BNIP2: variants seen among roughly 807,000 people sequenced by gnomAD.
BNIP2 encodes the protein BCL2 interacting protein 2.
In BNIP2, 36 loss-of-function variants were observed where a neutral mutation model predicts 43.4. The ratio of observed to expected loss-of-function variants is 0.83; its 90% CI spans 0.64 to 1.10. The LOEUF (loss-of-function observed/expected upper bound fraction) is 1.10, where lower values mean the gene tolerates loss of function less well. Among genes scored for constraint, BNIP2 ranks in the 50% least tolerant of loss-of-function variants. The pLI is 0.00. For missense variants in BNIP2, 417 were observed against 374.1 expected (o/e 1.11, Z -0.95); for synonymous variants, 146 against 121.0 (o/e 1.21, Z -1.35).
chr15:59,680,238 T>C lies in BNIP2; in HGVS notation c.118+3A>G, dbSNP rs772783762. The C allele has an allele frequency of 3.2e-6, 5 of 1,584,222 alleles. No homozygotes were observed. Among genetic ancestry groups the C allele is most frequent in the Non-Finnish European group, 4.3e-6 (5 of 1,162,618 alleles). On this transcript the variant is annotated splice_donor_region_variant and intron_variant, in intron 3 of 9. Coordinates refer to ENST00000607373, the MANE Select transcript of BNIP2 (RefSeq NM_004330.4). The stretch of plus-strand genomic sequence containing the variant: ...TCAATGAAAGTAAGTGTCAAGCTCT[T>C]ACCAGGCTGGTCCTCTGGTCCAGTT...
rs1595690509 is a variant in BNIP2, at chr15:59,669,477, A to G, written c.708-115T>C. On this transcript the variant is annotated intron_variant, in intron 7 of 9. Transcript: ENST00000607373. Reference sequence around the variant, plus strand: ...GAAAAATCTCACCCAAAAGTTCTCAATTAGGTGTGATACCCCTGTAGACAA... The same window carrying G: ...GAAAAATCTCACCCAAAAGTTCTCAGTTAGGTGTGATACCCCTGTAGACAA... 4 of 630,468 alleles carry G rather than the reference A, an allele frequency of 6.3e-6. No individual in the cohort carries two copies. The East Asian group carries it at 9.4e-5, about 15-fold the overall frequency. The allele number at this position is 630,468 out of a possible 1,614,324, so 39.1% of individuals were successfully genotyped here.
intron 1 of BNIP2, among the ~76,000 whole-genome samples, chr15:59,683,270 T>C (rs529383086): frequency 9.7e-4 from 147 of 152,282 alleles, no homozygotes; most frequent in Non-Finnish European, 1.7e-3. Flanking sequence ...AGATACTCCC[T>C]CTGGTGATGG....
At chr15:59,677,564 T>C (rs1177800416) in intron 5 of BNIP2, among the ~76,000 whole-genome samples, 1 of 152,212 alleles carries the variant, frequency 6.6e-6, no homozygotes, top group Non-Finnish European at 1.5e-5. Flanking sequence ...CTTAAGAATT[T>C]TGACACAGTA....
chr15:59,677,257 C>T, intron 5 of BNIP2: 9 of 1,596,974 alleles, frequency 5.6e-6, no homozygotes, highest in East Asian at 2.2e-5. Flanking sequence ...GACTGCTTGA[C>T]TGAAGTATAC....
intron 5 of BNIP2, among the ~76,000 whole-genome samples, chr15:59,673,808 C>G (rs576150007): frequency 6.6e-6 from 1 of 152,088 alleles, no homozygotes; most frequent in East Asian, 1.9e-4. Flanking sequence ...CTAAATTAGG[C>G]CGGGCGAGGT....
chr15:59,671,134 G>T, intron 7 of BNIP2, 49 bp downstream of exon 7: 1 of 1,452,582 alleles, frequency 6.9e-7, no homozygotes, highest in South Asian at 1.4e-5. Flanking sequence ...ATTTCCTAAA[G>T]CCATTATAAA....
Position 59,680,602 on chromosome 15 carries a change from T to G in BNIP2, c.51-294A>C, listed in dbSNP as rs554692170. ...TTTTAGTAGAGACAGGGTCTTGCTA[T>G]GTTACCCAGGCTGGCCTTGAACTTT... is the stretch of plus-strand genomic sequence containing the variant. On this transcript the variant is annotated intron_variant, in intron 2 of 9. Transcript: ENST00000607373. Among the ~76,000 whole-genome samples the G allele has an allele frequency of 3.3e-4, 50 of 152,290 alleles. 1 individual carries two copies. The highest frequency in any genetic ancestry group is 1.2e-3 in the African/African-American group (48 of 41,560).
chr15:59,687,658 A>G (rs1264386800), intron 1 of BNIP2, among the ~76,000 whole-genome samples: 1 of 152,030 alleles, frequency 6.6e-6, no homozygotes, highest in Non-Finnish European at 1.5e-5. Flanking sequence ...CTTTCAATCT[A>G]TCAGCCCGGT....
intron 1 of BNIP2, chr15:59,688,561 C>A: frequency 1.3e-6 from 1 of 769,314 alleles, no homozygotes; most frequent in Non-Finnish European, 2.1e-6. Context: ...TCCAGAAATC[C>A]AAACCATTTT....
chr15:59,669,027 C>T (rs1156587991), intron 8 of BNIP2, 37 bp from the exon 9 acceptor site: 1 of 1,519,356 alleles, frequency 6.6e-7, no homozygotes, highest in Non-Finnish European at 9.1e-7. Flanking sequence ...TTCCATATTT[C>T]TGACAAATAC....
intron 5 of BNIP2, among the ~76,000 whole-genome samples, chr15:59,675,647 T>A (rs1893234363): frequency 6.6e-6 from 1 of 152,100 alleles, no homozygotes; most frequent in South Asian, 2.1e-4. Flanking sequence ...TTTACTTATA[T>A]CCATAAATGA....
chr15:59,666,871 ATATT>A (rs1344392883), intron 9 of BNIP2, among the ~76,000 whole-genome samples: 29 of 152,150 alleles, frequency 1.9e-4, no homozygotes, highest in African/African-American at 7.0e-4. Context: ...TTCAAACAAT[ATATT>A]TAAATAAAAA....
At chr15:59,666,848 A>C (rs1350175829) in intron 9 of BNIP2, among the ~76,000 whole-genome samples, 1 of 152,192 alleles carries the variant, frequency 6.6e-6, no homozygotes, top group East Asian at 1.9e-4. Context: ...ATCAAGATAA[A>C]ATAGTGACAG....
chr15:59,678,388 A>C lies in BNIP2; in HGVS notation c.296-301T>G, dbSNP rs1336265896. Reference sequence around the variant, plus strand: ...TGTAGAGTCATCAAAATCTTAGTACACTGGCCTTACAATGCCTTTCCAGAT... The same window carrying C: ...TGTAGAGTCATCAAAATCTTAGTACCCTGGCCTTACAATGCCTTTCCAGAT... On this transcript the variant is annotated intron_variant, in intron 4 of 9. Coordinates refer to ENST00000607373, the MANE Select transcript of BNIP2 (RefSeq NM_004330.4). 9 of 1,100,580 alleles carry C rather than the reference A, an allele frequency of 8.2e-6. No homozygotes were observed. The African/African-American group carries it at 8.4e-5, about 10-fold the overall frequency. The allele number at this position is 1,100,580 out of a possible 1,614,324, so 68.2% of individuals were successfully genotyped here.
chr15:59,676,804 C>A, intron 5 of BNIP2: 1 of 1,526,608 alleles, frequency 6.6e-7, no homozygotes, highest in Non-Finnish European at 8.9e-7. Context: ...GCCGCCTGGC[C>A]CTGCAGCGCC....
At chr15:59,688,913 C>A (rs1316189398) in intron 1 of BNIP2, 1 of 1,464,350 alleles carries the variant, frequency 6.8e-7, no homozygotes, top group Non-Finnish European at 9.0e-7. Context: ...GGCCAAACTG[C>A]CAAATACAAA....
chr15:59,678,851 G>A, intron 4 of BNIP2: 1 of 1,302,590 alleles, frequency 7.7e-7, no homozygotes, highest in Non-Finnish European at 1.0e-6. Context: ...CAGCATTAAA[G>A]AAAGAAGAGA....
chr15:59,689,001 C>T (rs1055359828), intron 1 of BNIP2, 134 bp downstream of exon 1: 112 of 1,443,294 alleles, frequency 7.8e-5, no homozygotes, highest in Non-Finnish European at 2.1e-5. Context: ...CTATGGCTCC[C>T]CCTACCAAGG....
At chr15:59,677,444 T>A (rs547775500) in intron 5 of BNIP2, 1 of 1,437,120 alleles carries the variant, frequency 7.0e-7, no homozygotes, top group Non-Finnish European at 9.2e-7. Flanking sequence ...ATGGATATAG[T>A]GCATCTCAGA....
Sources: gnomAD v4.1 joint callset for allele counts (sites outside exome capture counted in the v4.1 genomes callset) on GRCh38, gnomAD v4.1.1 for gene constraint, MANE v1.5 for transcripts, NCBI Gene and HGNC (gene_info 2026-07-23, HGNC 2026-07-21) for gene names.